The following LAMB4 variants were observed in gnomAD, a reference collection of about 807,000 sequenced individuals.
LAMB4 encodes laminin subunit beta 4.
Under a neutral mutation model 199.2 loss-of-function variants are expected in LAMB4, and 196 were observed. The observed-to-expected ratio is 0.98, with a 90% CI of 0.88 to 1.11. The LOEUF (loss-of-function observed/expected upper bound fraction) is 1.11. Ranked by LOEUF, LAMB4 falls within the 50% of genes least tolerant of loss-of-function variation. The pLI is 0.00. For synonymous variants in LAMB4, 744 were observed against 770.6 expected, an observed-to-expected ratio of 0.97 and a Z score of 0.57; for missense variants, 2,080 against 2,171.2, an observed-to-expected ratio of 0.96 and a Z score of 0.83.
In LAMB4 at chr7:108,103,095, G is replaced by C; in HGVS notation, c.1129C>G (p.Leu377Val). 6.2e-7 allele frequency: 1 copy of C among 1,612,886 alleles called. No individual in the cohort carries two copies. The highest frequency in any genetic ancestry group is 8.5e-7 in the Non-Finnish European group (1 of 1,179,082). ...EGQHCDRCRP[L>V]FYRDPLKTIS... ...GTCTTGAGCGGGTCCCTGTAGAAGA[G>C]GGGTCTGCAGCGGTCGCAGTGCTGC... Residue 377 changes from leucine (L) to valine (V), a missense_variant, in exon 10 of 34, where the codon CTC becomes GTC. Physicochemically the swap from Leu to Val is conservative, Grantham distance 32 (BLOSUM62 1). Transcript: ENST00000388781.
chr7:108,111,465 A>C (rs762167032), intron 4 of LAMB4, among the ~76,000 whole-genome samples: 1 of 152,240 alleles, frequency 6.6e-6, no homozygotes, highest in African/African-American at 2.4e-5. Context: ...TTCAGTTTAC[A>C]TCAGTGTTTT....
chr7:108,118,197 C>T (rs1310129181), intron 2 of LAMB4, among the ~76,000 whole-genome samples: 10 of 152,032 alleles, frequency 6.6e-5, no homozygotes, highest in Middle Eastern at 3.4e-3. Flanking sequence ...CATTAGAATC[C>T]TGTTTGATTC....
chr7:108,100,835 C>T (rs1423128218), intron 10 of LAMB4, among the ~76,000 whole-genome samples: 1 of 152,126 alleles, frequency 6.6e-6, no homozygotes, highest in Non-Finnish European at 1.5e-5. Flanking sequence ...TGGTAGGATA[C>T]TTAGGAAATT....
At chr7:108,078,746 G>C (rs376487985) in intron 15 of LAMB4, among the ~76,000 whole-genome samples, 8 of 151,576 alleles carry the variant, frequency 5.3e-5, no homozygotes, top group Admixed American at 3.3e-4. Flanking sequence ...CTTTTTAAAG[G>C]TGTCAGGGCC....
In LAMB4 at chr7:108,052,229, G is replaced by A; in HGVS notation, c.3784C>T (p.Leu1262=). ...TCTTGAAATTCATACACTGCTTTCA[G>A]TTGTTCATTTAGCTGCATGATTTGT... The part of the protein sequence containing the change: ...RRQIMQLNEQ[L]KAVYEFQDLK... The change falls in exon 26 of 34, where the codon CTG becomes TTG. Residue 1262 remains leucine, a synonymous_variant. Transcript: ENST00000388781. 1.9e-6 allele frequency: 3 copies of A among 1,606,538 alleles called. No individual in the cohort carries two copies. Among genetic ancestry groups the A allele is most frequent in the Middle Eastern group, 1.7e-4 (1 of 6,044 alleles).
chr7:108,018,322 TG>T, the LAMB4 span, among the ~76,000 whole-genome samples: 97 of 152,332 alleles, frequency 6.4e-4, no homozygotes, highest in African/African-American at 2.2e-3. Context: ...GTTTAGCCAA[TG>T]GGAGCCACCA....
chr7:108,020,751 T>G (rs912650098), downstream of LAMB4, among the ~76,000 whole-genome samples: 2 of 152,200 alleles, frequency 1.3e-5, no homozygotes, highest in Non-Finnish European at 2.9e-5. Context: ...AGCAAAAGGT[T>G]CCTTTTTGTA....
At chr7:108,102,215 A>C (rs774901744) in intron 10 of LAMB4, among the ~76,000 whole-genome samples, 3 of 152,218 alleles carry the variant, frequency 2.0e-5, no homozygotes, top group Non-Finnish European at 4.4e-5. Flanking sequence ...TAAAGGAAAA[A>C]CTTCTATAAG....
At chr7:108,116,330 T>G (rs569034925) in intron 2 of LAMB4, among the ~76,000 whole-genome samples, 169 bp from the exon 3 acceptor site, 1 of 152,330 alleles carries the variant, frequency 6.6e-6, no homozygotes, top group South Asian at 2.1e-4. Context: ...CTTTGCTTGC[T>G]GGGTGGCATG....
intron 27 of LAMB4, 87 bp from the exon 28 acceptor site, chr7:108,048,198 C>G (rs1330846607): frequency 2.7e-6 from 3 of 1,101,658 alleles, no homozygotes; most frequent in Non-Finnish European, 3.8e-6. Context: ...GGAGTTTGCT[C>G]TTGTTGCCCA....
At chr7:108,103,014 G>T (rs1361658235) in intron 10 of LAMB4, 30 bp downstream of exon 10, 1 of 1,521,034 alleles carries the variant, frequency 6.6e-7, no homozygotes, top group Non-Finnish European at 8.9e-7. Context: ...TCAGACAGTG[G>T]GTAGGATCCA....
chr7:108,063,033 A>G (rs775959974), intron 22 of LAMB4, 39 bp from the exon 23 acceptor site: 5 of 1,368,976 alleles, frequency 3.7e-6, no homozygotes, highest in Non-Finnish European at 5.0e-6. Context: ...AAATTCAATG[A>G]TAAATGTGGC....
At chr7:108,015,216 T>C in the LAMB4 span, among the ~76,000 whole-genome samples, 1 of 152,216 alleles carries the variant, frequency 6.6e-6, no homozygotes, top group African/African-American at 2.4e-5. Flanking sequence ...TGAGTCACAA[T>C]GCAGTGTGTC....
intron 27 of LAMB4, 82 bp downstream of exon 27, chr7:108,049,244 A>T (rs1311728330): frequency 1.1e-5 from 5 of 474,452 alleles, no homozygotes; most frequent in Non-Finnish European, 1.8e-5. Context: ...TTTAAAATGT[A>T]AGCTAGGGAA....
chr7:108,091,858 C>T, intron 13 of LAMB4, 82 bp from the exon 14 acceptor site: 1 of 1,390,810 alleles, frequency 7.2e-7, no homozygotes, highest in Non-Finnish European at 1.0e-6. Context: ...GGCTAATGCT[C>T]CCTGAGTTTG....
At chr7:108,045,489 A>G (rs2035587668) in intron 28 of LAMB4, among the ~76,000 whole-genome samples, 3 of 152,188 alleles carry the variant, frequency 2.0e-5, no homozygotes, top group Admixed American at 1.3e-4. Flanking sequence ...CCAGTTCTCC[A>G]TTTATGTGCT....
At position 108,078,326 on chromosome 7, in the gene LAMB4, C is replaced by T. The variant is rs374012429; in HGVS notation, c.1888-10G>A. ...TCCAGTCAGCTGCAGACTAGACAGG[C>T]ATGACATTAAGGCATGTCACTGCAA... is the stretch of plus-strand genomic sequence containing the variant. On this transcript the variant is annotated splice_polypyrimidine_tract_variant and intron_variant, in intron 15 of 33. Coordinates refer to ENST00000388781, the MANE Select transcript of LAMB4 (RefSeq NM_007356.3). 123 of 1,528,112 alleles carry T rather than the reference C, an allele frequency of 8.0e-5. 1 individual carries two copies. The highest frequency in any genetic ancestry group is 1.1e-4 in the Non-Finnish European group (118 of 1,107,934). The allele number at this position is 1,528,112 out of a possible 1,614,324, so 94.7% of individuals were successfully genotyped here. A position where few individuals can be genotyped will look rare whatever the true frequency, so the allele number is the denominator to read the frequency against.
At chr7:108,121,728 C>T (rs55987435) in intron 2 of LAMB4, among the ~76,000 whole-genome samples, 6,399 of 146,926 alleles carry the variant, frequency 0.044, 416 homozygotes, top group African/African-American at 0.15. Flanking sequence ...CCAGCCTGGG[C>T]GACAAGAATG....
intron 17 of LAMB4, among the ~76,000 whole-genome samples, chr7:108,072,994 A>G (rs962234384): frequency 6.6e-6 from 1 of 152,202 alleles, no homozygotes; most frequent in African/African-American, 2.4e-5. Flanking sequence ...AGATGACAAG[A>G]GTTCCTGTCA....
Sources: allele counts gnomAD v4.1 joint callset (sites outside exome capture counted in the v4.1 genomes callset), GRCh38; gene constraint gnomAD v4.1.1; transcripts MANE v1.5; gene names NCBI Gene and HGNC (gene_info 2026-07-23, HGNC 2026-07-21).